Variants in MGAT5 observed in about 807,000 individuals in gnomAD.
MGAT5 encodes alpha-1,6-mannosylglycoprotein 6-beta-N-acetylglucosaminyltransferase.
A neutral mutation model predicts 94.3 loss-of-function variants in MGAT5; 30 were observed. That is an observed-to-expected ratio of 0.32 (90% CI 0.24 to 0.43). The LOEUF (loss-of-function observed/expected upper bound fraction) is 0.43, where lower values mean the gene tolerates loss of function less well. MGAT5 is among the 20% of genes least tolerant of loss of function. The probability of loss-of-function intolerance (pLI) is 1.00; values close to 1 mark genes in which losing one functional copy is unlikely to be tolerated. For missense variants in MGAT5, 691 were observed against 905.5 expected, an observed-to-expected ratio of 0.76 and a Z score of 3.04; for synonymous variants, 310 against 322.9, an observed-to-expected ratio of 0.96 and a Z score of 0.43.
At chr2:134,141,679 G>A (rs1686662699) in intron 1 of MGAT5, among the ~76,000 whole-genome samples, 2 of 152,226 alleles carry the variant, frequency 1.3e-5, no homozygotes, top group South Asian at 4.1e-4. Context: ...CCTTGAGGTG[G>A]TGGTGGCTGA....
chr2:134,126,326 C>T (rs898534709), intron 1 of MGAT5, among the ~76,000 whole-genome samples: 1 of 152,214 alleles, frequency 6.6e-6, no homozygotes, highest in African/African-American at 2.4e-5. Context: ...TAATTCAGCC[C>T]ATGTGACCAC....
chr2:134,251,650 TATAC>T (rs1157009760), upstream of MGAT5, among the ~76,000 whole-genome samples: 1 of 152,174 alleles, frequency 6.6e-6, no homozygotes. Context: ...ATACAATAAT[TATAC>T]ATAATAATGG....
intron 1 of MGAT5, among the ~76,000 whole-genome samples, chr2:134,128,832 A>C (rs1685980054): frequency 6.6e-6 from 1 of 152,128 alleles, no homozygotes; most frequent in South Asian, 2.1e-4. Flanking sequence ...TAGTCTCTCA[A>C]AATGCCTTAG....
chr2:134,426,849 C>T (rs1684618484), intron 13 of MGAT5, among the ~76,000 whole-genome samples: 1 of 152,134 alleles, frequency 6.6e-6, no homozygotes, highest in African/African-American at 2.4e-5. Flanking sequence ...ATTTTGAGCT[C>T]TTCAGAGATG....
chr2:134,397,010 A>G (rs1015970087), intron 10 of MGAT5, among the ~76,000 whole-genome samples: 1 of 152,218 alleles, frequency 6.6e-6, no homozygotes, highest in African/African-American at 2.4e-5. Context: ...GGTGTGAGAG[A>G]GCAGGAGAGG....
At chr2:134,255,099 C>G (rs560962671) in intron 1 of MGAT5, among the ~76,000 whole-genome samples, 17 of 152,252 alleles carry the variant, frequency 1.1e-4, no homozygotes, top group African/African-American at 3.6e-4. Flanking sequence ...CTCCCTCCAG[C>G]CAATAAATAT....
chr2:134,371,362 G>A (rs1031723143), intron 10 of MGAT5, among the ~76,000 whole-genome samples: 2 of 152,134 alleles, frequency 1.3e-5, no homozygotes, highest in Non-Finnish European at 2.9e-5. Flanking sequence ...CTGTTTAAAA[G>A]TCTATCAAGT....
chr2:134,238,894 G>A (rs1251217469), intron 1 of MGAT5, among the ~76,000 whole-genome samples: 1 of 152,222 alleles, frequency 6.6e-6, no homozygotes, highest in African/African-American at 2.4e-5. Context: ...GGTGAGCCGA[G>A]ATCATGCCAC....
chr2:134,127,521 C>G (rs1388315928), intron 1 of MGAT5, among the ~76,000 whole-genome samples: 2 of 129,018 alleles, frequency 1.6e-5, no homozygotes, highest in African/African-American at 5.3e-5. Context: ...TTGTTCCAAC[C>G]CCCCCAAAAC....
rs1269544319 is a variant in MGAT5, at chr2:134,193,130, T to TA, written c.-142-61132_-142-61131insA. Among the ~76,000 whole-genome samples the TA allele has an allele frequency of 2.3e-3, 337 of 148,776 alleles. 3 individuals carry two copies. Among genetic ancestry groups the TA allele is most frequent in the African/African-American group, 8.0e-3 (321 of 39,876 alleles). ...TATTTTTATTTTTATTTTTTATTTTTTTTTTTTTTTGAGACAAGGTCTCGC... is the reference window on the plus strand; with the variant it reads ...TATTTTTATTTTTATTTTTTATTTTTATTTTTTTTTTGAGACAAGGTCTCGC... On this transcript the variant is annotated intron_variant, in intron 1 of 16. Coordinates refer to the MGAT5 transcript ENST00000409645.
chr2:134,426,735 A>G (rs1003195349), intron 13 of MGAT5, among the ~76,000 whole-genome samples: 2 of 150,122 alleles, frequency 1.3e-5, no homozygotes, highest in African/African-American at 2.5e-5. Context: ...AAAATTTTAC[A>G]TTTTGTGTGA....
chr2:134,178,992 T>G (rs1163596124), intron 1 of MGAT5, among the ~76,000 whole-genome samples: 1 of 152,208 alleles, frequency 6.6e-6, no homozygotes, highest in Non-Finnish European at 1.5e-5. Context: ...AATACTTATT[T>G]GTAACCCTGA....
chr2:134,237,811 T>C (rs1681739267), intron 1 of MGAT5, among the ~76,000 whole-genome samples: 1 of 149,940 alleles, frequency 6.7e-6, no homozygotes, highest in Non-Finnish European at 1.5e-5. Context: ...AGTGCAGTGG[T>C]GCGATCTTGG....
intron 1 of MGAT5, among the ~76,000 whole-genome samples, chr2:134,179,519 A>T (rs575061357): frequency 0.28 from 41,855 of 151,858 alleles, 7,979 homozygotes; most frequent in African/African-American, 0.53. Flanking sequence ...GTTTGCAGAG[A>T]CTTTATAGAA....
intron 4 of MGAT5, among the ~76,000 whole-genome samples, chr2:134,328,322 A>G (rs1687764196): frequency 6.6e-6 from 1 of 151,916 alleles, no homozygotes; most frequent in African/African-American, 2.4e-5. Flanking sequence ...TGTGTTAATA[A>G]TATTCCTCCC....
At chr2:134,275,578 C>CTTTTTTTTTTTTTTTTTTTTTTTTTTT in intron 2 of MGAT5, among the ~76,000 whole-genome samples, 1 of 79,594 alleles carries the variant, frequency 1.3e-5, no homozygotes, top group Non-Finnish European at 2.2e-5. Context: ...GTGCTATTTC[C>CTTTTTTTTTTTTTTTTTTTTTTTTTTT]TTTTTTTTTT....
At chr2:134,417,588 G>T (rs955060548) in intron 12 of MGAT5, among the ~76,000 whole-genome samples, 5 of 151,978 alleles carry the variant, frequency 3.3e-5, no homozygotes, top group African/African-American at 4.8e-5. Context: ...TGCATTTTTG[G>T]CAAGAATATC....
chr2:134,184,377 A>G (rs1380050278), intron 1 of MGAT5, among the ~76,000 whole-genome samples: 1 of 152,144 alleles, frequency 6.6e-6, no homozygotes, highest in Non-Finnish European at 1.5e-5. Flanking sequence ...TCCAGCCTGC[A>G]GGGAAGGGTA....
At chr2:134,214,443 A>T (rs1279386941) in intron 1 of MGAT5, among the ~76,000 whole-genome samples, 3 of 152,162 alleles carry the variant, frequency 2.0e-5, no homozygotes, top group Non-Finnish European at 4.4e-5. Context: ...TACACTAACG[A>T]TAGTTGATGA....
Sources: gnomAD v4.1 joint callset for allele counts (sites outside exome capture counted in the v4.1 genomes callset) on GRCh38, gnomAD v4.1.1 for gene constraint, MANE v1.5 for transcripts, NCBI Gene and HGNC (gene_info 2026-07-23, HGNC 2026-07-21) for gene names.